Variants in ANXA8 observed in about 807,000 individuals in gnomAD.
ANXA8 encodes VAC-beta.
In ANXA8, 9 loss-of-function variants were observed where a neutral mutation model predicts 26.8. The ratio of observed to expected loss-of-function variants is 0.34; its 90% confidence interval spans 0.20 to 0.59. The LOEUF is 0.59. ANXA8 is among the 20% of genes least tolerant of loss of function. ANXA8 has a pLI of 0.84. For synonymous variants in ANXA8, 39 were observed against 94.8 expected (o/e 0.41, Z 3.42); for missense variants, 83 against 238.5 (o/e 0.35, Z 4.29).
chr10:47,478,444 G>A (rs1588927389), intron 3 of ANXA8, 89 bp downstream of exon 3: 1 of 1,397,872 alleles, frequency 7.2e-7, no homozygotes, highest in African/African-American at 1.5e-5. Flanking sequence ...TGGCTCTAGG[G>A]GAAAGTCGTC....
the ANXA8 span, among the ~76,000 whole-genome samples, chr10:47,725,499 A>AGTTTTGTAT: frequency 8.2e-6 from 1 of 122,232 alleles, no homozygotes; most frequent in Non-Finnish European, 1.7e-5. Flanking sequence ...CTTTGAGTTA[A>AGTTTTGTAT]GTTTTGTATA....
chr10:47,958,789 T>C, the ANXA8 span, among the ~76,000 whole-genome samples: 2 of 148,656 alleles, frequency 1.3e-5, no homozygotes, highest in Admixed American at 6.6e-5. Flanking sequence ...AGAGAATGAG[T>C]GTTAGCAGGA....
chr10:47,653,580 A>G, the ANXA8 span, among the ~76,000 whole-genome samples: 1 of 150,470 alleles, frequency 6.6e-6, no homozygotes, highest in East Asian at 1.9e-4. Context: ...GGGGTTTCCA[A>G]GTGGAGAGTT....
chr10:47,957,885 A>C, the ANXA8 span, among the ~76,000 whole-genome samples: 1 of 150,328 alleles, frequency 6.7e-6, no homozygotes, highest in Non-Finnish European at 1.5e-5. Context: ...CTGGTATCAA[A>C]AATGTAAAAA....
the ANXA8 span, among the ~76,000 whole-genome samples, chr10:47,620,656 G>T: frequency 1.9e-5 from 2 of 106,186 alleles, 1 homozygote; most frequent in Admixed American, 2.0e-4. Flanking sequence ...CTGTCTTCAT[G>T]AACTTTAAAT....
the ANXA8 span, chr10:47,973,294 G>A: frequency 3.4e-5 from 5 of 146,592 alleles, no homozygotes; most frequent in African/African-American, 1.2e-4. Flanking sequence ...TGGAGGACAG[G>A]ATGATCTGTG....
chr10:47,681,587 A>G, the ANXA8 span, among the ~76,000 whole-genome samples: 2 of 109,224 alleles, frequency 1.8e-5, no homozygotes, highest in Admixed American at 2.3e-4. Context: ...GCTGGAGTGC[A>G]GTGGCACAAT....
the ANXA8 span, among the ~76,000 whole-genome samples, chr10:47,940,533 T>G: frequency 4.1e-5 from 6 of 145,768 alleles, no homozygotes; most frequent in Non-Finnish European, 8.9e-5. Flanking sequence ...TGCCTCTATT[T>G]AAGAAAGCAG....
the ANXA8 span, among the ~76,000 whole-genome samples, chr10:47,510,891 CAAT>C: frequency 7.7e-6 from 1 of 129,218 alleles, no homozygotes; most frequent in Non-Finnish European, 1.6e-5. Context: ...TTTTCTACAG[CAAT>C]AAAAAGCAGC....
chr10:47,985,105 A>T, the ANXA8 span, among the ~76,000 whole-genome samples: 12 of 147,440 alleles, frequency 8.1e-5, 1 homozygote, highest in South Asian at 2.6e-3. Flanking sequence ...CAATGCATAA[A>T]GAGCTCTCAA....
At position 47,484,100 on chromosome 10, in the gene ANXA8, C is replaced by G; in HGVS notation, c.-167G>C. The G allele has an allele frequency of 1.3e-6, 2 of 1,569,470 alleles. No homozygotes were observed. The highest frequency in any genetic ancestry group is 1.7e-6 in the Non-Finnish European group (2 of 1,146,010). On this transcript the variant is annotated 5_prime_UTR_variant, in exon 1 of 12. Transcript: ENST00000585281. ...CAGCGCCACACCTGCCTGCCGTCCC[C>G]TCGCCCCCGGGCTCTGCCTGGCTTT...
At chr10:47,768,393 G>T in the ANXA8 span, among the ~76,000 whole-genome samples, 1 of 151,316 alleles carries the variant, frequency 6.6e-6, no homozygotes, top group African/African-American at 2.4e-5. Context: ...TTGATGTGTC[G>T]GTTAAGACAT....
At chr10:47,666,184 C>G in the ANXA8 span, among the ~76,000 whole-genome samples, 1 of 142,280 alleles carries the variant, frequency 7.0e-6, no homozygotes, top group Non-Finnish European at 1.5e-5. Context: ...TCTTACCCGC[C>G]CCCCCCATCC....
chr10:47,623,376 AT>A, the ANXA8 span, among the ~76,000 whole-genome samples: 4 of 112,698 alleles, frequency 3.5e-5, no homozygotes, highest in Admixed American at 1.9e-4. Flanking sequence ...CTTTAAAAAA[AT>A]ATATCATCAC....
upstream of ANXA8, among the ~76,000 whole-genome samples, chr10:47,485,878 A>G (rs1316247967): frequency 7.9e-5 from 12 of 151,848 alleles, no homozygotes; most frequent in Non-Finnish European, 1.3e-4. Flanking sequence ...GGAGGCCAAG[A>G]CAGGTGGATC....
the ANXA8 span, among the ~76,000 whole-genome samples, chr10:47,653,104 G>T: frequency 6.6e-6 from 1 of 150,724 alleles, no homozygotes; most frequent in Admixed American, 6.6e-5. Context: ...CTGAGGTTAG[G>T]AGTTCGAGAC....
At chr10:47,478,658 GC>G in intron 2 of ANXA8, 31 bp from the exon 3 acceptor site, 1 of 697,164 alleles carries the variant, frequency 1.4e-6, no homozygotes, top group Non-Finnish European at 2.2e-6. Flanking sequence ...TGACCCTGCT[GC>G]CCCCAGGGTG....
the ANXA8 span, among the ~76,000 whole-genome samples, chr10:47,644,683 T>A: frequency 6.6e-6 from 1 of 151,684 alleles, no homozygotes; most frequent in South Asian, 2.1e-4. Flanking sequence ...CTATTTAGTT[T>A]TATTAACTAA....
At chr10:47,671,895 AC>A in the ANXA8 span, among the ~76,000 whole-genome samples, 1 of 151,440 alleles carries the variant, frequency 6.6e-6, no homozygotes, top group African/African-American at 2.4e-5. Context: ...TTTGTGAGCC[AC>A]CGTGCCCAAT....
Sources: allele counts gnomAD v4.1 joint callset (sites outside exome capture counted in the v4.1 genomes callset), GRCh38; gene constraint gnomAD v4.1.1; transcripts MANE v1.5; gene names NCBI Gene and HGNC (gene_info 2026-07-23, HGNC 2026-07-21).